Variants in MAD2L2 observed in about 807,000 individuals in gnomAD.
The protein encoded by MAD2L2 is mitotic arrest deficient 2 like 2.
A neutral mutation model predicts 30.5 loss-of-function variants in MAD2L2; 17 were observed. The observed-to-expected ratio is 0.56, with a 90% CI of 0.38 to 0.84. MAD2L2 has a LOEUF of 0.84. MAD2L2 is among the 40% of genes least tolerant of loss of function. MAD2L2 has a pLI of 0.00. For synonymous variants in MAD2L2, 101 were observed against 113.9 expected, an observed-to-expected ratio of 0.89 and a Z score of 0.72; for missense variants, 213 against 277.4, an observed-to-expected ratio of 0.77 and a Z score of 1.65.
At chr1:11,689,249 T>C (rs945826102) in intron 1 of MAD2L2, among the ~76,000 whole-genome samples, 4 of 137,456 alleles carry the variant, frequency 2.9e-5, no homozygotes, top group African/African-American at 1.1e-4. Context: ...GAGCCGAGAC[T>C]GTGCCACTAT....
chr1:11,677,384 G>T, intron 4 of MAD2L2, 159 bp downstream of exon 4: 1 of 718,514 alleles, frequency 1.4e-6, no homozygotes, highest in Non-Finnish European at 2.3e-6. Flanking sequence ...CCCCTGGGTT[G>T]GGATGGTCTC....
At chr1:11,685,820 C>T (rs990785213), upstream of MAD2L2, among the ~76,000 whole-genome samples, 6 of 152,056 alleles carry the variant, frequency 3.9e-5, no homozygotes, top group African/African-American at 1.2e-4. Context: ...AGCATGGTGG[C>T]GTGCACCTGT....
At position 11,690,228 on chromosome 1, in the gene MAD2L2, T is replaced by A. The variant is rs1641036106; in HGVS notation, c.-692+1185A>T. 6.6e-6 allele frequency among the ~76,000 whole-genome samples: 1 copy of A among 152,166 alleles called. No individual in the cohort carries two copies. The highest frequency in any genetic ancestry group is 2.4e-5 in the African/African-American group (1 of 41,442). On this transcript the variant is annotated intron_variant, in intron 1 of 10. Transcript: ENST00000235310. This position sits in a 1 kb window ranked among gnomAD's most constrained non-coding sequence, Gnocchi z 4.2. ...GGGCAGGGATTCTTGTCCATGTTGT[T>A]TACTACTGTACCTCCGGTGCCGGCA...
In MAD2L2 at chr1:11,674,994, C is replaced by T. The variant is rs554503167; in HGVS notation, c.594+88G>A. 3.4e-5 allele frequency: 45 copies of T among 1,320,512 alleles called. No individual in the cohort carries two copies. The East Asian group carries it at 7.5e-4, about 22-fold the overall frequency. The allele number at this position is 1,320,512 out of a possible 1,614,324, so 81.8% of individuals were successfully genotyped here. The stretch of plus-strand genomic sequence containing the variant: ...CACCAGGCACTCCCCCGTTCTCTCC[C>T]GCAAGCCCTCTAGTAAGGCCTCAGC... On this transcript the variant is annotated intron_variant, in intron 8 of 8. Coordinates refer to ENST00000376692, the MANE Select transcript of MAD2L2 (RefSeq NM_006341.4). This position sits in a 1 kb window ranked among gnomAD's most constrained non-coding sequence, Gnocchi z 6.1.
rs1369670856 is a variant in MAD2L2 at position 11,676,158 on chromosome 1, T to C, written c.333-18A>G. The C allele has an allele frequency of 2.6e-6, 4 of 1,529,570 alleles. No individual in the cohort carries two copies. The highest frequency in any genetic ancestry group is 1.4e-5 in the African/African-American group (1 of 72,938). 94.7% of individuals were successfully genotyped at this position (1,529,570 alleles called of 1,614,324 possible). A position where few individuals can be genotyped will look rare whatever the true frequency, so the allele number is the denominator to read the frequency against. On this transcript the variant is annotated intron_variant, in intron 5 of 8. Transcript: ENST00000376692. ...AGTCTGAGCTGGGAGTGAGAGGAGG[T>C]CTTCCCATCACACTGGCGCCCTCCC...
upstream of MAD2L2, among the ~76,000 whole-genome samples, chr1:11,682,764 T>TA (rs1201274283): frequency 6.6e-6 from 1 of 152,090 alleles, no homozygotes; most frequent in Non-Finnish European, 1.5e-5. Flanking sequence ...CTTCATTTTG[T>TA]AAAAATGCGA....
At position 11,674,543 on chromosome 1, in the gene MAD2L2, T is replaced by C; in HGVS notation, c.*232A>G. On this transcript the variant is annotated 3_prime_UTR_variant, in exon 9 of 9. Coordinates refer to ENST00000376692, the MANE Select transcript of MAD2L2 (RefSeq NM_006341.4). This position sits in a 1 kb window ranked among gnomAD's most constrained non-coding sequence, Gnocchi z 6.1. ...ACAGCACAGTATTTGAGACAGACAGTGTTGGCCGGCGGAACCCCAGGAGGC... is the reference window on the plus strand; with the variant it reads ...ACAGCACAGTATTTGAGACAGACAGCGTTGGCCGGCGGAACCCCAGGAGGC... 3.7e-6 allele frequency: 2 copies of C among 542,992 alleles called. No individual in the cohort carries two copies. The highest frequency in any genetic ancestry group is 3.2e-5 in the East Asian group (1 of 31,504). The allele number at this position is 542,992 out of a possible 1,614,324, so 33.6% of individuals were successfully genotyped here. A position where few individuals can be genotyped will look rare whatever the true frequency, so the allele number is the denominator to read the frequency against.
At chr1:11,679,678 C>G (rs1640833111) in intron 3 of MAD2L2, among the ~76,000 whole-genome samples, 2 of 152,120 alleles carry the variant, frequency 1.3e-5, no homozygotes, top group African/African-American at 4.8e-5. Flanking sequence ...AGGCGCGTAC[C>G]ACCACACCAG....
intron 1 of MAD2L2, 33 bp from the exon 2 acceptor site, chr1:11,680,646 C>G: frequency 6.6e-7 from 1 of 1,519,914 alleles, no homozygotes; most frequent in Non-Finnish European, 8.8e-7. Flanking sequence ...AGGGTAGTTC[C>G]AGAGACCCAG....
chr1:11,690,457 C>G lies in MAD2L2; in HGVS notation c.-692+956G>C, dbSNP rs116270876. Among the ~76,000 whole-genome samples, 636 of 152,250 alleles carry G rather than the reference C, an allele frequency of 4.2e-3. 2 individuals are homozygous for G. Among genetic ancestry groups the G allele is most frequent in the African/African-American group, 0.014 (596 of 41,534 alleles). On this transcript the variant is annotated intron_variant, in intron 1 of 10. Transcript: ENST00000235310. This position sits in a 1 kb window ranked among gnomAD's most constrained non-coding sequence, Gnocchi z 4.2. ...CCTTACACAGGGCACTGCATTCACGCCTAGAACACTGAAATTTAGGTATAA... is the reference window on the plus strand; with the variant it reads ...CCTTACACAGGGCACTGCATTCACGGCTAGAACACTGAAATTTAGGTATAA...
intron 7 of MAD2L2, 88 bp downstream of exon 7, chr1:11,675,570 C>G: frequency 7.7e-7 from 1 of 1,303,144 alleles, no homozygotes; most frequent in Non-Finnish European, 1.1e-6. Flanking sequence ...TAATGGGTGG[C>G]TGGCCACAGG....
In MAD2L2 at chr1:11,688,505, G is replaced by C. The variant is rs1236449444; in HGVS notation, c.-692+2908C>G. ...GAACTTGGGAGGCAGAGGTTGCAGT[G>C]AGCCAAGATCGCGCCACTGCACTCC... On this transcript the variant is annotated intron_variant, in intron 1 of 10. Coordinates refer to the MAD2L2 transcript ENST00000235310. This position sits in a 1 kb window ranked among gnomAD's most constrained non-coding sequence, Gnocchi z 4.6. Among the ~76,000 whole-genome samples, 4 of 151,934 alleles carry C rather than the reference G, an allele frequency of 2.6e-5. No homozygotes were observed. The highest frequency in any genetic ancestry group is 5.9e-5 in the Non-Finnish European group (4 of 67,994).
chr1:11,675,278 CAG>C (rs1640741423), intron 7 of MAD2L2, 104 bp from the exon 8 acceptor site: 2 of 742,492 alleles, frequency 2.7e-6, no homozygotes, highest in African/African-American at 1.8e-5. Flanking sequence ...ACCTGAGCCT[CAG>C]AATCACTAGG....
chr1:11,686,299 C>G (rs1477322566), intron 1 of MAD2L2, among the ~76,000 whole-genome samples: 1 of 152,188 alleles, frequency 6.6e-6, no homozygotes, highest in African/African-American at 2.4e-5. Context: ...GTCCCAGATC[C>G]CAGGGTTCAC....
chr1:11,678,808 T>C (rs1163703754), intron 3 of MAD2L2, among the ~76,000 whole-genome samples: 1 of 152,204 alleles, frequency 6.6e-6, no homozygotes, highest in Non-Finnish European at 1.5e-5. Context: ...ACATCATAGC[T>C]TAGCCAGGCC....
At chr1:11,677,510 G>A (rs754442652) in intron 4 of MAD2L2, 33 bp downstream of exon 4, 18 of 1,602,962 alleles carry the variant, frequency 1.1e-5, no homozygotes, top group Non-Finnish European at 1.5e-5. Flanking sequence ...TGAGCATGGG[G>A]TGAGATGGCT....
chr1:11,680,580 C>A lies in MAD2L2; in HGVS notation c.22G>T (p.Asp8Tyr). The change falls in exon 2 of 9, where the codon GAC (aspartate) becomes TAC (tyrosine). Residue 8 changes from aspartate to tyrosine, a missense_variant. Transcript: ENST00000376692. ...TCCCTACCTTGGCCAAAGTTGAGGT[C>A]TTGTCGTGTGAGCGTGGTCATCCTT... MTTLTRQDLNFGQVVADV... is the reference protein window; with the variant it reads MTTLTRQYLNFGQVVADV... 6.3e-7 allele frequency: 1 copy of A among 1,589,222 alleles called. No homozygotes were observed. Among genetic ancestry groups the A allele is most frequent in the Admixed American group, 1.8e-5 (1 of 56,994 alleles).
upstream of MAD2L2, among the ~76,000 whole-genome samples, chr1:11,683,116 G>C (rs933456679): frequency 6.6e-6 from 1 of 152,306 alleles, no homozygotes; most frequent in South Asian, 2.1e-4. Flanking sequence ...TCAGACTGGG[G>C]CCTGGGGTGG....
Position 11,674,678 on chromosome 1 carries a change from A to G in MAD2L2, c.*97T>C. On this transcript the variant is annotated 3_prime_UTR_variant, in exon 9 of 9. Transcript: ENST00000376692. This position sits in a 1 kb window ranked among gnomAD's most constrained non-coding sequence, Gnocchi z 6.1. ...GGGCGATCCACACACAGAGGCGATA[A>G]GAGCACTTGGAATCAGGGCAGCCAT... 7.6e-7 allele frequency: 1 copy of G among 1,315,478 alleles called. No homozygotes were observed. The highest frequency in any genetic ancestry group is 2.3e-5 in the East Asian group (1 of 43,222). 81.5% of individuals were successfully genotyped at this position (1,315,478 alleles called of 1,614,324 possible). A position where few individuals can be genotyped will look rare whatever the true frequency, so the allele number is the denominator to read the frequency against.
Sources: gnomAD v4.1 joint callset for allele counts (sites outside exome capture counted in the v4.1 genomes callset) on GRCh38, gnomAD v4.1.1 for gene constraint, Gnocchi (gnomAD v3.1) non-coding constraint, MANE v1.5 for transcripts, NCBI Gene and HGNC (gene_info 2026-07-23, HGNC 2026-07-21) for gene names.